The following TRPS1 variants were observed in gnomAD, a reference collection of about 807,000 sequenced individuals.
The protein encoded by TRPS1 is transcriptional repressor GATA binding 1, also known as zinc finger transcription factor Trps1.
Under a neutral mutation model 101.2 loss-of-function variants are expected in TRPS1, and 6 were observed. The observed-to-expected ratio is 0.06, with a 90% CI of 0.03 to 0.12. The LOEUF (loss-of-function observed/expected upper bound fraction) is 0.12. TRPS1 is among the 10% of genes least tolerant of loss of function. The pLI, the probability that TRPS1 is intolerant of heterozygous loss-of-function variation, is 1.00. For synonymous variants in TRPS1, 578 were observed against 589.8 expected (o/e 0.98, Z 0.29); for missense variants, 1,363 against 1,567.0 (o/e 0.87, Z 2.20).
chr8:115,417,547 A>G (rs760903526), intron 6 of TRPS1, among the ~76,000 whole-genome samples: 5 of 152,090 alleles, frequency 3.3e-5, no homozygotes, highest in Non-Finnish European at 7.4e-5. Flanking sequence ...CAGCAGATGA[A>G]CTTGCTAAAC....
chr8:115,440,186 T>G (rs567079181), intron 5 of TRPS1, among the ~76,000 whole-genome samples: 2 of 152,342 alleles, frequency 1.3e-5, no homozygotes, highest in East Asian at 3.9e-4. Context: ...ATTTCTTAAA[T>G]TTTTACGTAC....
chr8:115,620,153 T>G, intron 2 of TRPS1, 93 bp from the exon 3 acceptor site: 1 of 1,296,866 alleles, frequency 7.7e-7, no homozygotes, highest in Non-Finnish European at 1.1e-6. Flanking sequence ...GTGAGTTTTT[T>G]AAGGTGCATA....
chr8:115,602,148 CGT>C (rs111443409), intron 4 of TRPS1, among the ~76,000 whole-genome samples: 3 of 150,838 alleles, frequency 2.0e-5, no homozygotes, highest in Non-Finnish European at 3.0e-5. Flanking sequence ...AGTGCGTGTG[CGT>C]GTGTGTGTGT....
At chr8:115,632,205 T>C (rs1818661825) in intron 1 of TRPS1, among the ~76,000 whole-genome samples, 1 of 152,150 alleles carries the variant, frequency 6.6e-6, no homozygotes, top group African/African-American at 2.4e-5. Context: ...AATAGGTTTA[T>C]TAAATATATA....
chr8:115,447,667 T>C (rs1813771087), intron 5 of TRPS1, among the ~76,000 whole-genome samples: 1 of 142,060 alleles, frequency 7.0e-6, no homozygotes, highest in South Asian at 2.5e-4. Flanking sequence ...TTTTAGAATG[T>C]CATATTTTTA....
chr8:115,619,091 A>C (rs760684816), intron 3 of TRPS1, 41 bp downstream of exon 3: 4 of 1,604,416 alleles, frequency 2.5e-6, no homozygotes, highest in Non-Finnish European at 2.6e-6. Flanking sequence ...TTTCATTTCT[A>C]ATAACTTTTT....
intron 5 of TRPS1, among the ~76,000 whole-genome samples, chr8:115,540,557 T>C (rs746013919): frequency 1.4e-4 from 21 of 152,082 alleles, no homozygotes; most frequent in Non-Finnish European, 2.9e-4. Flanking sequence ...ATCAGTTGAC[T>C]GATCAGTAGT....
chr8:115,625,233 T>C lies in TRPS1; in HGVS notation c.-121-1475A>G, dbSNP rs538625068. Among the ~76,000 whole-genome samples the C allele has an allele frequency of 3.3e-5, 5 of 152,030 alleles. No homozygotes were observed. The South Asian group carries it at 1.0e-3, about 31-fold the overall frequency. On this transcript the variant is annotated intron_variant, in intron 1 of 6. Coordinates refer to ENST00000395715, the MANE Select transcript of TRPS1 (RefSeq NM_014112.5). ...AGAATCAAAACATGAGTAAAAATCG[T>C]ATGGAAATTGCATATCCAGTTTCTA...
intron 1 of TRPS1, among the ~76,000 whole-genome samples, chr8:115,638,645 A>G (rs1448597934): frequency 6.6e-6 from 1 of 152,140 alleles, no homozygotes; most frequent in East Asian, 1.9e-4. Flanking sequence ...TTACACACAG[A>G]GTTTTACACA....
At chr8:115,639,957 C>T (rs1193802622) in intron 1 of TRPS1, among the ~76,000 whole-genome samples, 2 of 152,166 alleles carry the variant, frequency 1.3e-5, no homozygotes, top group African/African-American at 4.8e-5. Flanking sequence ...GAGACCTTAA[C>T]TTCTTAAAGT....
intron 5 of TRPS1, among the ~76,000 whole-genome samples, chr8:115,555,252 GATATCAGGTAGAATTTCTTTC>G (rs1816791183): frequency 6.6e-6 from 1 of 152,086 alleles, no homozygotes; most frequent in East Asian, 1.9e-4. Context: ...CATTCAGTAA[GATATCAGGTAGAATTTCTTTC>G]ATATCAGGTA....
At chr8:115,653,800 T>A (rs1811618771) in intron 1 of TRPS1, among the ~76,000 whole-genome samples, 1 of 152,178 alleles carries the variant, frequency 6.6e-6, no homozygotes, top group African/African-American at 2.4e-5. Context: ...GGGGTTCAAA[T>A]ACAGACCCTG....
chr8:115,537,776 A>T (rs781498208), intron 5 of TRPS1, among the ~76,000 whole-genome samples: 1 of 152,244 alleles, frequency 6.6e-6, no homozygotes, highest in African/African-American at 2.4e-5. Context: ...AGGAACCTCA[A>T]TGTAATACGT....
intron 5 of TRPS1, among the ~76,000 whole-genome samples, chr8:115,458,508 G>A (rs1053813009): frequency 6.6e-6 from 1 of 152,312 alleles, no homozygotes. Flanking sequence ...TAAAAAGACA[G>A]GTTTGGATGC....
intron 5 of TRPS1, among the ~76,000 whole-genome samples, chr8:115,571,704 C>T (rs1210741917): frequency 6.6e-6 from 1 of 152,028 alleles, no homozygotes; most frequent in Non-Finnish European, 1.5e-5. Context: ...TGAAAATAAG[C>T]CACTGGGTTA....
intron 5 of TRPS1, among the ~76,000 whole-genome samples, chr8:115,481,061 T>C (rs1316918895): frequency 6.6e-6 from 1 of 152,168 alleles, no homozygotes; most frequent in Non-Finnish European, 1.5e-5. Flanking sequence ...ATTTGCCTTT[T>C]CTTTCCTGTA....
At chr8:115,430,776 C>T (rs1337333477) in intron 5 of TRPS1, among the ~76,000 whole-genome samples, 1 of 151,968 alleles carries the variant, frequency 6.6e-6, no homozygotes, top group Non-Finnish European at 1.5e-5. Context: ...TTCAGCACTA[C>T]CATGTAGTGA....
chr8:115,623,357 G>T (rs1016760482), intron 2 of TRPS1, among the ~76,000 whole-genome samples: 1 of 151,942 alleles, frequency 6.6e-6, no homozygotes, highest in African/African-American at 2.4e-5. Flanking sequence ...AGCTATAGAA[G>T]AAATAATTTT....
rs1812788641 is a variant in TRPS1 at position 115,411,502 on chromosome 8, T to C, written c.*2521A>G. ...ATTGCCACGATGCATTCTGTTATTC[T>C]TTTTACTAAGAAAATTAAATATTGT... is the stretch of plus-strand genomic sequence containing the variant. On this transcript the variant is annotated 3_prime_UTR_variant, in exon 7 of 7. Transcript: ENST00000395715. 1 of 152,484 alleles carries C rather than the reference T, an allele frequency of 6.6e-6. No individual in the cohort carries two copies. The highest frequency in any genetic ancestry group is 1.5e-5 in the Non-Finnish European group (1 of 67,976). 9.4% of individuals were successfully genotyped at this position (152,484 alleles called of 1,614,324 possible).
Sources: gnomAD v4.1 joint callset for allele counts (sites outside exome capture counted in the v4.1 genomes callset) on GRCh38, gnomAD v4.1.1 for gene constraint, MANE v1.5 for transcripts, NCBI Gene and HGNC (gene_info 2026-07-23, HGNC 2026-07-21) for gene names.